Variants in SLC28A1 observed in about 807,000 individuals in gnomAD.
SLC28A1 encodes solute carrier family 28 member 1, also known as sodium/nucleoside cotransporter 1.
In SLC28A1, 64 loss-of-function variants were observed where a neutral mutation model predicts 74.8. The observed-to-expected ratio is 0.86, with a 90% CI of 0.70 to 1.05. The LOEUF is 1.05. Ranked by LOEUF, SLC28A1 falls within the 50% of genes least tolerant of loss-of-function variation. The pLI is 0.00. For missense variants in SLC28A1, 828 were observed against 822.8 expected (o/e 1.01, Z -0.08); for synonymous variants, 359 against 335.0 (o/e 1.07, Z -0.78).
chr15:84,930,028 T>G (rs965667011), intron 12 of SLC28A1, among the ~76,000 whole-genome samples: 1 of 152,220 alleles, frequency 6.6e-6, no homozygotes. Flanking sequence ...GAGCCCTGCC[T>G]GTGCAGGACT....
the SLC28A1 span, among the ~76,000 whole-genome samples, chr15:84,964,593 G>A: frequency 1.3e-5 from 2 of 152,190 alleles, no homozygotes; most frequent in African/African-American, 2.4e-5. Context: ...TGGCTCCAGG[G>A]TTAATCCAGG....
intron 9 of SLC28A1, among the ~76,000 whole-genome samples, chr15:84,912,442 G>A (rs1011930327): frequency 1.3e-5 from 2 of 152,084 alleles, no homozygotes; most frequent in Non-Finnish European, 2.9e-5. Context: ...TCTCTCCCTA[G>A]GGCTTCTTCA....
chr15:84,972,846 G>GTGTA, the SLC28A1 span, among the ~76,000 whole-genome samples: 11 of 152,324 alleles, frequency 7.2e-5, no homozygotes, highest in East Asian at 2.1e-3. Context: ...AAACACAAAG[G>GTGTA]TGTATACACA....
At chr15:84,965,636 T>C in the SLC28A1 span, among the ~76,000 whole-genome samples, 14 of 152,160 alleles carry the variant, frequency 9.2e-5, no homozygotes, top group African/African-American at 3.1e-4. Context: ...TTCCAAAGTA[T>C]ACCTAAGAGA....
chr15:84,965,293 G>C, the SLC28A1 span, among the ~76,000 whole-genome samples: 2 of 152,104 alleles, frequency 1.3e-5, no homozygotes. Context: ...AGTTTCCTGA[G>C]GCCTCCCCAG....
intron 6 of SLC28A1, among the ~76,000 whole-genome samples, chr15:84,902,876 C>T (rs937222352): frequency 6.6e-6 from 1 of 152,042 alleles, no homozygotes; most frequent in Non-Finnish European, 1.5e-5. Context: ...ACTACAGGCA[C>T]CCACTGCCAC....
chr15:84,935,950 TG>T (rs66531132), intron 15 of SLC28A1, among the ~76,000 whole-genome samples: 63,266 of 102,086 alleles, frequency 0.62, 20,628 homozygotes, highest in East Asian at 0.9. Context: ...GTTTGGTTTT[TG>T]TTTTTTTTTT....
intron 2 of SLC28A1, 106 bp downstream of exon 2, chr15:84,886,893 C>G (rs1373267508): frequency 2.0e-6 from 1 of 510,820 alleles, no homozygotes; most frequent in East Asian, 1.5e-4. Context: ...ATGCACGGGT[C>G]TCTGAGTATG....
chr15:84,906,100 A>G (rs1191021302), intron 8 of SLC28A1, among the ~76,000 whole-genome samples: 1 of 149,382 alleles, frequency 6.7e-6, no homozygotes, highest in Non-Finnish European at 1.5e-5. Flanking sequence ...GCTTGCTGCA[A>G]CCTCCACCTC....
chr15:84,897,221 C>CAAAAA (rs57798365), intron 6 of SLC28A1, among the ~76,000 whole-genome samples: 1 of 136,598 alleles, frequency 7.3e-6, no homozygotes. Flanking sequence ...CTAAAAATAG[C>CAAAAA]AAAAAAAAAA....
At chr15:84,922,066 G>C (rs751958174) in intron 11 of SLC28A1, among the ~76,000 whole-genome samples, 5 of 152,156 alleles carry the variant, frequency 3.3e-5, no homozygotes, top group Non-Finnish European at 7.4e-5. Context: ...CAAGAGGGAG[G>C]GATGGGGAGC....
rs1555449976 is a variant in SLC28A1 at position 84,916,240 on chromosome 15, C to CAGGTGTGAGCCACCATGCCTGGCCT, written c.796-2284_796-2283insAGGTGTGAGCCACCATGCCTGGCCT. 8.1e-5 allele frequency among the ~76,000 whole-genome samples: 8 copies of CAGGTGTGAGCCACCATGCCTGGCCT among 98,424 alleles called. 1 individual carries two copies. Among genetic ancestry groups the CAGGTGTGAGCCACCATGCCTGGCCT allele is most frequent in the South Asian group, 4.3e-4 (1 of 2,350 alleles). 64.6% of individuals were successfully genotyped at this position (98,424 alleles called of 152,430 possible). On this transcript the variant is annotated intron_variant, in intron 9 of 18. Transcript: ENST00000394573. Reference sequence around the variant, plus strand: ...TCGGCCTCCCAAAGTGCTGGGATTACTTTTTTTTTTTTTTTTTCAAACATG... The same window carrying CAGGTGTGAGCCACCATGCCTGGCCT: ...TCGGCCTCCCAAAGTGCTGGGATTACAGGTGTGAGCCACCATGCCTGGCCTTTTTTTTTTTTTTTTTTCAAACATG...
intron 13 of SLC28A1, 123 bp downstream of exon 13, chr15:84,933,398 T>C (rs1031113693): frequency 8.8e-6 from 11 of 1,254,060 alleles, no homozygotes; most frequent in African/African-American, 7.4e-5. Flanking sequence ...TCTCCACTTT[T>C]CCTGCTCTGG....
At chr15:84,890,113 G>T (rs186081287) in intron 4 of SLC28A1, among the ~76,000 whole-genome samples, 1 of 125,914 alleles carries the variant, frequency 7.9e-6, no homozygotes, top group East Asian at 2.4e-4. Flanking sequence ...GGGATTACTG[G>T]TGTGAGCCAC....
intron 5 of SLC28A1, among the ~76,000 whole-genome samples, chr15:84,891,061 G>T (rs372745402): frequency 4.6e-5 from 7 of 152,192 alleles, no homozygotes; most frequent in African/African-American, 1.7e-4. Context: ...AGGATGGGGA[G>T]TGGGTAGGGA....
chr15:84,910,516 G>A (rs1403456055), intron 9 of SLC28A1, among the ~76,000 whole-genome samples: 1 of 152,130 alleles, frequency 6.6e-6, no homozygotes, highest in Admixed American at 6.5e-5. Context: ...ATCACTTGAG[G>A]TTGGGAGTTT....
At chr15:84,901,348 A>G (rs1052537661) in intron 6 of SLC28A1, among the ~76,000 whole-genome samples, 4 of 152,108 alleles carry the variant, frequency 2.6e-5, no homozygotes, top group Non-Finnish European at 5.9e-5. Context: ...CTCTACTAAA[A>G]ATACAAAAAT....
chr15:84,967,553 T>A, the SLC28A1 span, among the ~76,000 whole-genome samples: 6 of 152,286 alleles, frequency 3.9e-5, no homozygotes, highest in Middle Eastern at 3.4e-3. Flanking sequence ...GACATAATAG[T>A]GAACTTAGAA....
At position 84,933,285 on chromosome 15, in the gene SLC28A1, G is replaced by A. The variant is rs761634744; in HGVS notation, c.1214+10G>A. 11 of 1,612,046 alleles carry A rather than the reference G, an allele frequency of 6.8e-6. No individual in the cohort carries two copies. In the East Asian group the frequency reaches 2.0e-4, roughly 29 times the overall value. ...TGAAACTGACCTATGGGTGAGCACAGCAGGAGGTCCTGCAGACAGGGTAGT... is the reference window on the plus strand; with the variant it reads ...TGAAACTGACCTATGGGTGAGCACAACAGGAGGTCCTGCAGACAGGGTAGT... On this transcript the variant is annotated intron_variant, in intron 13 of 18. Transcript: ENST00000394573.
Sources: allele counts gnomAD v4.1 joint callset (sites outside exome capture counted in the v4.1 genomes callset), GRCh38; gene constraint gnomAD v4.1.1; transcripts MANE v1.5; gene names NCBI Gene and HGNC (gene_info 2026-07-23, HGNC 2026-07-21).